The following ABI3BP variants were observed in gnomAD, a reference collection of about 807,000 sequenced individuals.
The protein encoded by ABI3BP is ABI family member 3 binding protein.
In ABI3BP, 216 loss-of-function variants were observed where a neutral mutation model predicts 268.6. The observed-to-expected ratio is 0.80, with a 90% CI of 0.72 to 0.90. The LOEUF is 0.90. Ranked by LOEUF, ABI3BP falls within the 40% of genes least tolerant of loss-of-function variation. The pLI is 0.00. For synonymous variants in ABI3BP, 730 were observed against 730.0 expected (o/e 1.00, Z 0.00); for missense variants, 2,090 against 2,182.4 (o/e 0.96, Z 0.84).
chr3:100,842,795 C>T (rs1458517620), intron 20 of ABI3BP, among the ~76,000 whole-genome samples: 2 of 152,102 alleles, frequency 1.3e-5, no homozygotes, highest in South Asian at 4.1e-4. Context: ...CAATAGGTTT[C>T]TCATTATTCT....
At chr3:100,975,600 G>A (rs914999634) in intron 1 of ABI3BP, among the ~76,000 whole-genome samples, 3 of 152,076 alleles carry the variant, frequency 2.0e-5, no homozygotes, top group Admixed American at 2.0e-4. Context: ...AAGCCTGAAT[G>A]TTTTGCTTGT....
intron 1 of ABI3BP, among the ~76,000 whole-genome samples, chr3:100,986,901 T>C (rs1469241675): frequency 6.6e-6 from 1 of 152,214 alleles, no homozygotes; most frequent in Non-Finnish European, 1.5e-5. Context: ...AATATATGTA[T>C]ATCAATTATT....
intron 60 of ABI3BP, 90 bp from the exon 61 acceptor site, chr3:100,774,763 T>C (rs3736534): frequency 0.24 from 243,664 of 995,050 alleles, 32,149 homozygotes; most frequent in South Asian, 0.4. Context: ...ATATTCAATA[T>C]TTCTTCTTGT....
At position 100,885,568 on chromosome 3, in the gene ABI3BP, T is replaced by C; in HGVS notation, c.664A>G (p.Ile222Val). The part of the protein sequence containing the change: ...VVGSKKVNGK[I>V]QSTYDQDHTV... ...TGGTCTTGGTCATAGGTACTTTGGA[T>C]TTTCCCATTTACTTTTTTACCTGAT... The change falls in exon 6 of 68, where the codon ATC (isoleucine) becomes GTC (valine). Residue 222 changes from isoleucine (I) to valine (V), a missense_variant. By Grantham distance (29) the Ile-to-Val change is conservative. Transcript: ENST00000471714. 1 of 1,560,432 alleles carries C rather than the reference T, an allele frequency of 6.4e-7. No individual in the cohort carries two copies. The highest frequency in any genetic ancestry group is 8.7e-7 in the Non-Finnish European group (1 of 1,148,620).
intron 51 of ABI3BP, among the ~76,000 whole-genome samples, chr3:100,803,128 G>A (rs1447399326): frequency 1.4e-5 from 2 of 146,138 alleles, no homozygotes; most frequent in Non-Finnish European, 3.1e-5. Flanking sequence ...AACATGTGGA[G>A]CTGGAGAGGT....
intron 9 of ABI3BP, among the ~76,000 whole-genome samples, chr3:100,868,857 A>ACT (rs2099079440): frequency 1.0e-5 from 1 of 97,864 alleles, no homozygotes; most frequent in Non-Finnish European, 2.5e-5. Context: ...AAATTTTATC[A>ACT]GTTTTTTTTC....
chr3:100,866,899 AT>A lies in ABI3BP; in HGVS notation c.967del (p.Ile323SerfsTer8), dbSNP rs952121585. ...ATTACCTGTTGTGGGTCGTGCTGAG[AT>A]TTTTTCAACCTCTGGTGTTTTAGAT... ...AESKTPEVEK[I>X]SARPTTVTPE... On this transcript the variant is annotated frameshift_variant, in exon 10 of 68. Coordinates refer to ENST00000471714, the MANE Select transcript of ABI3BP (RefSeq NM_001375547.2). LOFTEE classifies it high-confidence loss of function. 6.2e-7 allele frequency: 1 copy of A among 1,613,802 alleles called. No individual in the cohort carries two copies. Among genetic ancestry groups the A allele is most frequent in the Non-Finnish European group, 8.5e-7 (1 of 1,179,802 alleles).
At chr3:100,985,356 A>G (rs1255948826) in intron 1 of ABI3BP, among the ~76,000 whole-genome samples, 4 of 151,634 alleles carry the variant, frequency 2.6e-5, no homozygotes, top group Admixed American at 6.6e-5. Flanking sequence ...TCACCATGTT[A>G]GCCAGGATGG....
intron 5 of ABI3BP, 45 bp from the exon 6 acceptor site, chr3:100,885,633 T>C (rs2041630747): frequency 1.6e-6 from 2 of 1,232,966 alleles, no homozygotes; most frequent in Non-Finnish European, 2.3e-6. Context: ...TTCTCCTTGC[T>C]CCTAAATCAA....
rs1041533482 is a variant in ABI3BP, at chr3:100,848,283, C to T, written c.1576+518G>A. ...TATAATAAACATGCACACCAAAAAA[C>T]GAATTACATGTATCACTCTGTATTG... is the stretch of plus-strand genomic sequence containing the variant. On this transcript the variant is annotated intron_variant, in intron 18 of 67. Transcript: ENST00000471714. Among the ~76,000 whole-genome samples, 9 of 152,024 alleles carry T rather than the reference C, an allele frequency of 5.9e-5. 1 individual carries two copies. In the East Asian group the frequency reaches 7.7e-4, roughly 13 times the overall value.
intron 26 of ABI3BP, 98 bp from the exon 27 acceptor site, chr3:100,837,269 GTTTATTCTAAATT>G: frequency 4.5e-6 from 4 of 892,130 alleles, no homozygotes; most frequent in Non-Finnish European, 4.9e-6. Context: ...ACAGAGTCTA[GTTTATTCTAAATT>G]AATATAAATT....
Position 100,758,112 on chromosome 3 carries a change from A to AC in ABI3BP, c.4851-3422_4851-3421insG, listed in dbSNP as rs529750745. Among the ~76,000 whole-genome samples, 172 of 151,948 alleles carry AC rather than the reference A, an allele frequency of 1.1e-3. 1 individual carries two copies. The highest frequency in any genetic ancestry group is 3.9e-3 in the African/African-American group (162 of 41,428). On this transcript the variant is annotated intron_variant, in intron 63 of 67. Transcript: ENST00000471714. ...ATCCCCTCCAAAAACAAACAAACAAAAAAAAAACAATCTTCCCCGCGCATC... is the reference window on the plus strand; with the variant it reads ...ATCCCCTCCAAAAACAAACAAACAAACAAAAAAACAATCTTCCCCGCGCATC...
At chr3:100,836,456 T>C (rs1423556594) in intron 27 of ABI3BP, among the ~76,000 whole-genome samples, 2 of 152,174 alleles carry the variant, frequency 1.3e-5, no homozygotes, top group East Asian at 3.8e-4. Flanking sequence ...CTTTCTCTTA[T>C]TGCTCAAGAC....
At chr3:100,976,467 T>A (rs1318331095) in intron 1 of ABI3BP, among the ~76,000 whole-genome samples, 1 of 152,212 alleles carries the variant, frequency 6.6e-6, no homozygotes, top group Admixed American at 6.5e-5. Flanking sequence ...CTTCCTCAGT[T>A]TAGCATTTAT....
chr3:100,771,851 A>G (rs1422479211), intron 61 of ABI3BP, among the ~76,000 whole-genome samples: 2 of 152,174 alleles, frequency 1.3e-5, no homozygotes, highest in Admixed American at 1.3e-4. Flanking sequence ...TTAAGAAATA[A>G]TGGTCCCAAA....
chr3:100,862,507 T>G (rs75098731), intron 13 of ABI3BP, 122 bp from the exon 14 acceptor site: 148,443 of 645,580 alleles, frequency 0.23, 18,604 homozygotes, highest in South Asian at 0.31. Context: ...ACCAATACAA[T>G]AAAAAGTCAT....
chr3:100,957,439 G>A (rs2077221731), intron 1 of ABI3BP, among the ~76,000 whole-genome samples: 1 of 152,188 alleles, frequency 6.6e-6, no homozygotes. Flanking sequence ...GCCAAATAGA[G>A]ATATTAAGTA....
intron 47 of ABI3BP, 62 bp from the exon 48 acceptor site, chr3:100,811,339 T>C (rs2097856979): frequency 1.6e-6 from 2 of 1,220,390 alleles, no homozygotes; most frequent in South Asian, 2.8e-5. Flanking sequence ...TAGCATTTTT[T>C]TGAATATCAA....
chr3:100,751,130 A>G (rs1394339417), intron 67 of ABI3BP, among the ~76,000 whole-genome samples: 1 of 152,148 alleles, frequency 6.6e-6, no homozygotes, highest in Admixed American at 6.5e-5. Flanking sequence ...CATTTCCCAC[A>G]GAATTATTCT....
Sources: allele counts gnomAD v4.1 joint callset (sites outside exome capture counted in the v4.1 genomes callset), GRCh38; gene constraint gnomAD v4.1.1; transcripts MANE v1.5; gene names NCBI Gene and HGNC (gene_info 2026-07-23, HGNC 2026-07-21).